The following PCDHGA3 variants were observed in gnomAD, a reference collection of about 807,000 sequenced individuals.
PCDHGA3 encodes the protein protocadherin gamma subfamily A, 3.
In PCDHGA3, 40 loss-of-function variants were observed where a neutral mutation model predicts 58.5. The observed-to-expected ratio is 0.68, with a 90% CI of 0.53 to 0.89. The LOEUF (loss-of-function observed/expected upper bound fraction) is 0.89, where lower values mean the gene tolerates loss of function less well. Ranked by LOEUF, PCDHGA3 falls within the 40% of genes least tolerant of loss-of-function variation. The pLI is 0.00. For missense variants in PCDHGA3, 1,223 were observed against 1,195.9 expected (o/e 1.02, Z -0.33); for synonymous variants, 530 against 525.7 (o/e 1.01, Z -0.11).
Position 141,346,289 on chromosome 5 carries a change from C to T in PCDHGA3, c.2256C>T (p.Thr752=), listed in dbSNP as rs756079907. The change falls in exon 1 of 4, where the codon ACC becomes ACT. Residue 752 remains threonine, a synonymous_variant. Coordinates refer to ENST00000253812, the MANE Select transcript of PCDHGA3 (RefSeq NM_018916.4). ...GADGVRAFLQ[T]YSHEVSLTAD... The stretch of plus-strand genomic sequence containing the variant: ...ACGGGGTTCGGGCTTTCCTGCAGAC[C>T]TATTCCCACGAGGTCTCCCTCACTG... 6.2e-7 allele frequency: 1 copy of T among 1,614,104 alleles called. No individual in the cohort carries two copies. The highest frequency in any genetic ancestry group is 1.3e-5 in the African/African-American group (1 of 74,944).
chr5:141,487,622 C>T lies in PCDHGA3; in HGVS notation c.2425-7185C>T. Reference sequence around the variant, plus strand: ...TCTTCTCTATGGGCTAGAGGTGAGACCTTTGCAGGCTCAACAAATGCTTGA... The same window carrying T: ...TCTTCTCTATGGGCTAGAGGTGAGATCTTTGCAGGCTCAACAAATGCTTGA... On this transcript the variant is annotated intron_variant, in intron 1 of 3. Coordinates refer to ENST00000253812, the MANE Select transcript of PCDHGA3 (RefSeq NM_018916.4). This position sits in a 1 kb window ranked among gnomAD's most constrained non-coding sequence, Gnocchi z 5.0. 1.2e-6 allele frequency: 2 copies of T among 1,614,174 alleles called. No homozygotes were observed. Among genetic ancestry groups the T allele is most frequent in the South Asian group, 1.1e-5 (1 of 91,084 alleles).
intron 1 of PCDHGA3, chr5:141,416,848 G>A (rs2154546681): frequency 1.3e-5 from 2 of 152,166 alleles, no homozygotes; most frequent in East Asian, 3.9e-4. Flanking sequence ...ATAATTCCAT[G>A]ATTTTTTTCA....
rs780532802 is a variant in PCDHGA3 at position 141,352,576 on chromosome 5, C to T, written c.2424+6119C>T. The T allele has an allele frequency of 1.3e-5, 21 of 1,613,814 alleles. No homozygotes were observed. In the Admixed American group the frequency reaches 2.0e-4, roughly 15 times the overall value. ...TCAACCTGACACCGGAAATGGCTCC[C>T]CCTCAGGATCTGCTGTGTGATGATC... On this transcript the variant is annotated intron_variant, in intron 1 of 3. Transcript: ENST00000253812.
intron 1 of PCDHGA3, chr5:141,427,490 T>C (rs752745429): frequency 1.8e-6 from 1 of 551,082 alleles, no homozygotes; most frequent in Non-Finnish European, 3.5e-6. Flanking sequence ...ACTATAAGCT[T>C]GTAACAGATG....
At position 141,491,561 on chromosome 5, in the gene PCDHGA3, A is replaced by C. The variant is rs1289732955; in HGVS notation, c.2425-3246A>C. The C allele has an allele frequency of 1.2e-6, 2 of 1,613,938 alleles. No homozygotes were observed. Among genetic ancestry groups the C allele is most frequent in the Admixed American group, 3.3e-5 (2 of 60,016 alleles). On this transcript the variant is annotated intron_variant, in intron 1 of 3. Transcript: ENST00000253812. This position sits in a 1 kb window ranked among gnomAD's most constrained non-coding sequence, Gnocchi z 6.9. ...CCCACAGACTCGCAGAGCCACTGCT[A>C]CAGGACGTGCTTTTCACCGGCCTCG...
chr5:141,398,383 G>C, intron 1 of PCDHGA3: 4 of 1,451,918 alleles, frequency 2.8e-6, no homozygotes, highest in Non-Finnish European at 2.9e-6. Context: ...GGAGTTGCTT[G>C]TGAGCAGCAG....
chr5:141,456,390 T>G (rs1007800936), intron 1 of PCDHGA3, among the ~76,000 whole-genome samples: 2 of 152,114 alleles, frequency 1.3e-5, no homozygotes, highest in African/African-American at 4.8e-5. Context: ...CGTTTGGAGT[T>G]TGATTGCTTC....
chr5:141,479,057 T>A (rs2099487107), intron 1 of PCDHGA3, among the ~76,000 whole-genome samples: 1 of 152,234 alleles, frequency 6.6e-6, no homozygotes, highest in East Asian at 1.9e-4. Context: ...TCTCAGATAA[T>A]TTTTTATGAA....
intron 1 of PCDHGA3, chr5:141,383,917 G>A: frequency 6.2e-7 from 1 of 1,613,928 alleles, no homozygotes; most frequent in Non-Finnish European, 8.5e-7. Flanking sequence ...AGTTTTAGAT[G>A]TAAATGATAA....
At chr5:141,366,184 G>T in intron 1 of PCDHGA3, 2 of 1,613,984 alleles carry the variant, frequency 1.2e-6, no homozygotes, top group South Asian at 1.1e-5. Flanking sequence ...GACTCTTTGC[G>T]GTTGGGCTGC....
At chr5:141,376,175 G>A (rs551078264) in intron 1 of PCDHGA3, 5 of 1,614,148 alleles carry the variant, frequency 3.1e-6, no homozygotes, top group African/African-American at 1.3e-5. Flanking sequence ...GGTGGCGGTG[G>A]CCGCGGTCTC....
intron 2 of PCDHGA3, among the ~76,000 whole-genome samples, chr5:141,500,125 T>C (rs1367341826): frequency 2.0e-5 from 3 of 151,970 alleles, no homozygotes; most frequent in African/African-American, 4.8e-5. Flanking sequence ...CCTTTTCATA[T>C]ATATCTTTCT....
At chr5:141,410,369 A>G in intron 1 of PCDHGA3, 1 of 1,613,954 alleles carries the variant, frequency 6.2e-7, no homozygotes. Context: ...CAGCCCTGCT[A>G]CTTGGGACTG....
chr5:141,404,710 C>A (rs772390810), intron 1 of PCDHGA3: 1 of 1,614,014 alleles, frequency 6.2e-7, no homozygotes, highest in African/African-American at 1.3e-5. Flanking sequence ...AGCCTGGCTA[C>A]CTGGTGACCA....
At chr5:141,428,290 C>G in intron 1 of PCDHGA3, 2 of 726,802 alleles carry the variant, frequency 2.8e-6, no homozygotes, top group Non-Finnish European at 4.8e-6. Context: ...CCAAGCAAAG[C>G]TGCAGATTTA....
Position 141,490,083 on chromosome 5 carries a change from T to G in PCDHGA3, c.2425-4724T>G. Reference sequence around the variant, plus strand: ...CCAACGGCCAACTAGACTATTCTTTTGGAGACCACACATCTGAGGCAGTGC... The same window carrying G: ...CCAACGGCCAACTAGACTATTCTTTGGGAGACCACACATCTGAGGCAGTGC... On this transcript the variant is annotated intron_variant, in intron 1 of 3. Coordinates refer to ENST00000253812, the MANE Select transcript of PCDHGA3 (RefSeq NM_018916.4). This position sits in a 1 kb window ranked among gnomAD's most constrained non-coding sequence, Gnocchi z 5.4. 1.2e-6 allele frequency: 2 copies of G among 1,614,262 alleles called. No individual in the cohort carries two copies. The highest frequency in any genetic ancestry group is 1.7e-6 in the Non-Finnish European group (2 of 1,180,054).
At chr5:141,398,228 G>A (rs2150736860) in intron 1 of PCDHGA3, 1 of 1,475,144 alleles carries the variant, frequency 6.8e-7, no homozygotes, top group East Asian at 2.5e-5. Flanking sequence ...GAGCAGATCC[G>A]CTACAGGATT....
intron 1 of PCDHGA3, among the ~76,000 whole-genome samples, chr5:141,406,290 G>A (rs2094788974): frequency 6.6e-6 from 1 of 151,998 alleles, no homozygotes; most frequent in Non-Finnish European, 1.5e-5. Flanking sequence ...AAAGCACTGG[G>A]TGAGGTGTGA....
intron 1 of PCDHGA3, chr5:141,355,187 G>A (rs1759746421): frequency 6.3e-7 from 1 of 1,589,120 alleles, no homozygotes. Context: ...AGGCGACTCC[G>A]CGGCGGGGTT....
Sources: gnomAD v4.1 joint callset for allele counts (sites outside exome capture counted in the v4.1 genomes callset) on GRCh38, gnomAD v4.1.1 for gene constraint, Gnocchi (gnomAD v3.1) non-coding constraint, MANE v1.5 for transcripts, NCBI Gene and HGNC (gene_info 2026-07-23, HGNC 2026-07-21) for gene names.